Variants in XKR9 observed in about 807,000 individuals in gnomAD.
XKR9 encodes XK-related protein 9.
In XKR9, 32 loss-of-function variants were observed where a neutral mutation model predicts 32.0. The observed-to-expected ratio is 1.00, with a 90% CI of 0.76 to 1.34. XKR9 has a LOEUF of 1.34. Ranked by LOEUF, XKR9 falls within the 40% of genes most tolerant of loss-of-function variation. The pLI, the probability that XKR9 is intolerant of heterozygous loss-of-function variation, is 0.00. For synonymous variants in XKR9, 168 were observed against 143.4 expected, an observed-to-expected ratio of 1.17 and a Z score of -1.22; for missense variants, 546 against 429.7, an observed-to-expected ratio of 1.27 and a Z score of -2.39.
chr8:70,690,073 C>A (rs1819457191), intron 3 of XKR9, among the ~76,000 whole-genome samples: 1 of 152,036 alleles, frequency 6.6e-6, no homozygotes, highest in South Asian at 2.1e-4. Context: ...GATAAACAAA[C>A]ACTTTACTCT....
chr8:71,064,561 G>T, the XKR9 span, among the ~76,000 whole-genome samples: 1 of 152,090 alleles, frequency 6.6e-6, no homozygotes, highest in Non-Finnish European at 1.5e-5. Context: ...GAATGAATCT[G>T]CATTAGTTTT....
At chr8:70,791,279 A>G (rs932695148), downstream of XKR9, among the ~76,000 whole-genome samples, 3 of 151,926 alleles carry the variant, frequency 2.0e-5, no homozygotes, top group African/African-American at 7.3e-5. Flanking sequence ...GTTCAAGACC[A>G]ACCTGAACAA....
At chr8:70,974,359 G>A in the XKR9 span, among the ~76,000 whole-genome samples, 24 of 151,782 alleles carry the variant, frequency 1.6e-4, no homozygotes, top group African/African-American at 3.6e-4. Context: ...CATCATTTAC[G>A]TTAGGTATTT....
chr8:70,858,602 C>T, the XKR9 span, among the ~76,000 whole-genome samples: 5 of 152,124 alleles, frequency 3.3e-5, no homozygotes, highest in Non-Finnish European at 5.9e-5. Context: ...TACCCGACTT[C>T]AAAATTTACT....
chr8:70,955,924 G>A, the XKR9 span, among the ~76,000 whole-genome samples: 1 of 152,202 alleles, frequency 6.6e-6, no homozygotes, highest in South Asian at 2.1e-4. Context: ...TTCCGCAGTG[G>A]GTACTCCTGT....
At chr8:71,031,391 G>A in the XKR9 span, among the ~76,000 whole-genome samples, 1 of 152,044 alleles carries the variant, frequency 6.6e-6, no homozygotes, top group African/African-American at 2.4e-5. Context: ...AGACCACTAT[G>A]GTACCAGTTA....
the XKR9 span, among the ~76,000 whole-genome samples, chr8:70,894,358 G>T: frequency 6.6e-6 from 1 of 152,176 alleles, no homozygotes; most frequent in South Asian, 2.1e-4. Flanking sequence ...ATGTGTCACA[G>T]TTCGGTCTAA....
At chr8:70,997,143 C>A in the XKR9 span, among the ~76,000 whole-genome samples, 1 of 152,086 alleles carries the variant, frequency 6.6e-6, no homozygotes, top group Non-Finnish European at 1.5e-5. Flanking sequence ...ACTAAAAGTA[C>A]AAAAATTAGC....
chr8:70,798,231 T>A, the XKR9 span, among the ~76,000 whole-genome samples: 1 of 152,228 alleles, frequency 6.6e-6, no homozygotes, highest in Non-Finnish European at 1.5e-5. Flanking sequence ...TTTTTTTGAC[T>A]TTTTAATAAT....
chr8:71,054,092 G>A, the XKR9 span, among the ~76,000 whole-genome samples: 1 of 152,126 alleles, frequency 6.6e-6, no homozygotes. Context: ...ATCACATGGA[G>A]CAGAAGTACC....
Position 70,735,757 on chromosome 8 carries a change from T to A in XKR9, c.*1333T>A, listed in dbSNP as rs894827303. 2.0e-5 allele frequency: 3 copies of A among 151,910 alleles called. No individual in the cohort carries two copies. The highest frequency in any genetic ancestry group is 7.3e-5 in the African/African-American group (3 of 41,342). 9.4% of individuals were successfully genotyped at this position (151,910 alleles called of 1,614,324 possible). On this transcript the variant is annotated 3_prime_UTR_variant, in exon 5 of 5. Transcript: ENST00000408926. ...CGATAGTTTACTGAGAATGATGATT[T>A]CCAGCTTCATCCATGTCCCTACAAA...
chr8:70,824,412 C>T, the XKR9 span, among the ~76,000 whole-genome samples: 1 of 151,878 alleles, frequency 6.6e-6, no homozygotes, highest in African/African-American at 2.4e-5. Flanking sequence ...ATGATTGACC[C>T]TTCTTATTTA....
Position 70,728,104 on chromosome 8 carries a change from A to G in XKR9, c.494-5692A>G, listed in dbSNP as rs529248061. Among the ~76,000 whole-genome samples the G allele has an allele frequency of 3.3e-5, 5 of 152,294 alleles. No individual in the cohort carries two copies. The East Asian group carries it at 5.8e-4, about 18-fold the overall frequency. On this transcript the variant is annotated intron_variant, in intron 4 of 4. Coordinates refer to ENST00000408926, the MANE Select transcript of XKR9 (RefSeq NM_001011720.2). ...TTTTTTAAACTAGAAACTAGAAACT[A>G]TGTTCCTCCCAAAGTTAGATCAACC...
At chr8:70,885,489 T>G in the XKR9 span, among the ~76,000 whole-genome samples, 3 of 152,180 alleles carry the variant, frequency 2.0e-5, no homozygotes, top group African/African-American at 7.2e-5. Context: ...CATGGAGGTT[T>G]GCCGCACCTA....
At chr8:70,788,432 G>A (rs1242503145) in intron 2 of XKR9, among the ~76,000 whole-genome samples, 1 of 152,018 alleles carries the variant, frequency 6.6e-6, no homozygotes, top group Non-Finnish European at 1.5e-5. Context: ...GGGCAGGTGG[G>A]CCAGCAAAGT....
chr8:70,850,962 T>C, the XKR9 span, among the ~76,000 whole-genome samples: 1 of 152,010 alleles, frequency 6.6e-6, no homozygotes, highest in Non-Finnish European at 1.5e-5. Flanking sequence ...AAATAAAGGG[T>C]ATTCAAATAG....
chr8:70,802,050 C>T, the XKR9 span, among the ~76,000 whole-genome samples: 2 of 151,804 alleles, frequency 1.3e-5, no homozygotes, highest in Admixed American at 6.6e-5. Context: ...CATTCTCCTG[C>T]CTCAGCCTCC....
the XKR9 span, among the ~76,000 whole-genome samples, chr8:71,065,434 G>A: frequency 3.9e-5 from 6 of 152,198 alleles, no homozygotes; most frequent in Non-Finnish European, 7.3e-5. Flanking sequence ...GATCTGGACC[G>A]TGCTTACATC....
chr8:70,714,681 A>T (rs546006570), intron 4 of XKR9, among the ~76,000 whole-genome samples: 61 of 152,202 alleles, frequency 4.0e-4, no homozygotes, highest in African/African-American at 1.4e-3. Context: ...TTGGTATTTG[A>T]AGATTTTTTT....
Sources: gnomAD v4.1 joint callset for allele counts (sites outside exome capture counted in the v4.1 genomes callset) on GRCh38, gnomAD v4.1.1 for gene constraint, MANE v1.5 for transcripts, NCBI Gene and HGNC (gene_info 2026-07-23, HGNC 2026-07-21) for gene names.